Variants in CSMD1 observed in about 807,000 individuals in gnomAD.
The protein encoded by CSMD1 is CUB and sushi domain-containing protein 1.
CSMD1 carries 213 observed loss-of-function variants against 417.5 expected under a neutral mutation model. The observed-to-expected ratio is 0.51, with a 90% CI of 0.46 to 0.57. The LOEUF is 0.57. Among genes scored for constraint, CSMD1 ranks in the 20% least tolerant of loss-of-function variants. The pLI, the probability that CSMD1 is intolerant of heterozygous loss-of-function variation, is 0.00. For missense variants in CSMD1, 6,923 were observed against 4,529.7 expected, an observed-to-expected ratio of 1.53 and a Z score of -15.17; for synonymous variants, 2,862 against 1,736.8, an observed-to-expected ratio of 1.65 and a Z score of -16.11.
intron 3 of CSMD1, among the ~76,000 whole-genome samples, chr8:4,103,086 C>T (rs968737681): frequency 1.3e-5 from 2 of 152,100 alleles, no homozygotes; most frequent in Non-Finnish European, 2.9e-5. Flanking sequence ...TTTTGAGCTC[C>T]AGACAGTTCT....
chr8:4,657,453 C>A (rs914258848), intron 1 of CSMD1, among the ~76,000 whole-genome samples: 1 of 152,086 alleles, frequency 6.6e-6, no homozygotes, highest in Non-Finnish European at 1.5e-5. Flanking sequence ...GCACTCTTGG[C>A]ATTCATGGAA....
chr8:3,539,045 A>C (rs969455550), intron 10 of CSMD1, among the ~76,000 whole-genome samples: 1 of 152,212 alleles, frequency 6.6e-6, no homozygotes, highest in African/African-American at 2.4e-5. Flanking sequence ...AAACACCCAG[A>C]GATGGCCTCT....
chr8:3,756,391 A>C (rs1044806138), intron 5 of CSMD1, among the ~76,000 whole-genome samples: 1 of 152,136 alleles, frequency 6.6e-6, no homozygotes, highest in Non-Finnish European at 1.5e-5. Context: ...TGTATATTAA[A>C]AATCAATAAT....
rs771732847 is a variant in CSMD1 at position 3,406,179 on chromosome 8, T to C, written c.2114A>G (p.Asn705Ser). 3 of 1,612,144 alleles carry C rather than the reference T, an allele frequency of 1.9e-6. No individual in the cohort carries two copies. The highest frequency in any genetic ancestry group is 2.5e-6 in the Non-Finnish European group (3 of 1,179,038). Reference protein sequence around the residue: ...NECHDPGIPINGRRFGDRFLL... With the variant: ...NECHDPGIPISGRRFGDRFLL... ...AAACCTGTCACCAAAACGTCGTCCG[T>C]TTATAGGAATGCCAGGATCATGGCA... The change falls in exon 15 of 70, where the codon AAC (asparagine) becomes AGC (serine). Residue 705 changes from asparagine (N) to serine (S), a missense_variant. Transcript: ENST00000635120.
At chr8:4,745,472 C>G (rs575358309) in intron 1 of CSMD1, among the ~76,000 whole-genome samples, 1 of 152,302 alleles carries the variant, frequency 6.6e-6, no homozygotes, top group Non-Finnish European at 1.5e-5. Flanking sequence ...CTATTTAACA[C>G]TGTGGTATCA....
chr8:4,068,309 C>T (rs557610738), intron 3 of CSMD1, among the ~76,000 whole-genome samples: 4 of 152,088 alleles, frequency 2.6e-5, no homozygotes, highest in South Asian at 2.1e-4. Flanking sequence ...CAGTGTATTG[C>T]GGGAGAGCTG....
chr8:2,938,509 G>C lies in CSMD1; in HGVS notation c.*76C>G. ...TAAAGCCAGAGTGGAAGGGAGAGTG[G>C]TATATGGCACCAAAGGAATCACTGC... On this transcript the variant is annotated 3_prime_UTR_variant, in exon 70 of 70. Coordinates refer to ENST00000635120, the MANE Select transcript of CSMD1 (RefSeq NM_033225.6). 1 of 1,397,040 alleles carries C rather than the reference G, an allele frequency of 7.2e-7. No homozygotes were observed. The allele number at this position is 1,397,040 out of a possible 1,614,324, so 86.5% of individuals were successfully genotyped here. A position where few individuals can be genotyped will look rare whatever the true frequency, so the allele number is the denominator to read the frequency against.
chr8:4,644,210 G>A (rs866466783), intron 1 of CSMD1, among the ~76,000 whole-genome samples: 1 of 152,150 alleles, frequency 6.6e-6, no homozygotes, highest in African/African-American at 2.4e-5. Context: ...ACTGGTCAGT[G>A]TCACTTCTTT....
intron 3 of CSMD1, among the ~76,000 whole-genome samples, chr8:4,190,253 C>CCA (rs1798938257): frequency 1.5e-5 from 1 of 67,058 alleles, no homozygotes; most frequent in African/African-American, 5.2e-5. Context: ...ACTCCGTCTC[C>CCA]AAAAAAAAAA....
At chr8:3,869,372 T>C (rs958561144) in intron 5 of CSMD1, among the ~76,000 whole-genome samples, 3 of 152,186 alleles carry the variant, frequency 2.0e-5, no homozygotes, top group Admixed American at 6.5e-5. Context: ...ATATAATACA[T>C]AGAGACTGAT....
intron 2 of CSMD1, among the ~76,000 whole-genome samples, chr8:4,516,286 C>A (rs1803118327): frequency 6.6e-6 from 1 of 152,084 alleles, no homozygotes; most frequent in African/African-American, 2.4e-5. Context: ...AGAAACCAAC[C>A]CCACTGACAC....
chr8:3,905,954 C>T lies in CSMD1; in HGVS notation c.818+91949G>A, dbSNP rs557640535. 2.1e-4 allele frequency among the ~76,000 whole-genome samples: 32 copies of T among 152,286 alleles called. No homozygotes were observed. The South Asian group carries it at 6.2e-3, about 30-fold the overall frequency. Reference sequence around the variant, plus strand: ...ATGTTTTTGGTGCCCCTCAACCATACCTTTTGATTTTATCAAACCTGTTCT... The same window carrying T: ...ATGTTTTTGGTGCCCCTCAACCATATCTTTTGATTTTATCAAACCTGTTCT... On this transcript the variant is annotated intron_variant, in intron 5 of 69. Coordinates refer to ENST00000635120, the MANE Select transcript of CSMD1 (RefSeq NM_033225.6).
chr8:4,820,866 C>T (rs1040784996), intron 1 of CSMD1, among the ~76,000 whole-genome samples: 2 of 152,246 alleles, frequency 1.3e-5, no homozygotes, highest in East Asian at 3.9e-4. Context: ...ATTGTTGTTA[C>T]TACTTTTATA....
chr8:4,112,139 C>T (rs1192472525), intron 3 of CSMD1, among the ~76,000 whole-genome samples: 1 of 152,172 alleles, frequency 6.6e-6, no homozygotes, highest in Non-Finnish European at 1.5e-5. Flanking sequence ...CTTCAAAGTG[C>T]TGGGCATCCA....
At chr8:2,964,212 T>C (rs1213839985) in intron 59 of CSMD1, among the ~76,000 whole-genome samples, 1 of 152,246 alleles carries the variant, frequency 6.6e-6, no homozygotes, top group Non-Finnish European at 1.5e-5. Flanking sequence ...GCATTTTGTG[T>C]GTTCAGGCTC....
Position 4,389,861 on chromosome 8 carries a change from A to G in CSMD1, c.415+30092T>C, listed in dbSNP as rs76351751. On this transcript the variant is annotated intron_variant, in intron 3 of 69. Coordinates refer to ENST00000635120, the MANE Select transcript of CSMD1 (RefSeq NM_033225.6). ...TCTACATGAATATTACAAACTTTAT[A>G]TATCTCCCGCCCTACTAACAAACAT... 8.3e-3 allele frequency among the ~76,000 whole-genome samples: 1,260 copies of G among 152,280 alleles called. 13 individuals carry two copies. The highest frequency in any genetic ancestry group is 0.026 in the African/African-American group (1,090 of 41,556).
intron 1 of CSMD1, among the ~76,000 whole-genome samples, chr8:4,876,230 T>C (rs1036890787): frequency 2.0e-5 from 3 of 152,214 alleles, no homozygotes; most frequent in East Asian, 1.9e-4. Context: ...AGTCTTTCAG[T>C]AATCTGCTAC....
intron 23 of CSMD1, among the ~76,000 whole-genome samples, chr8:3,341,896 A>C (rs1024273491): frequency 6.6e-6 from 1 of 152,180 alleles, no homozygotes; most frequent in African/African-American, 2.4e-5. Flanking sequence ...AATACATTGA[A>C]CATCTCGACA....
rs1803994961 is a variant in CSMD1, at chr8:2,966,740, G to C, written c.8930C>G (p.Ser2977Cys). ...SGLQPVCEAV[S>C]CGNPGTPTNG... is the part of the protein sequence containing the mutation. ...GGTGGGTGTGCCAGGGTTGCCACAG[G>C]ACACGGCTGTTAGGCAAACAAGAAC... The change falls in exon 58 of 70, where the codon TCC becomes TGC. Residue 2977 changes from serine to cysteine, a missense_variant. Transcript: ENST00000635120. 1 of 1,613,004 alleles carries C rather than the reference G, an allele frequency of 6.2e-7. No homozygotes were observed. The highest frequency in any genetic ancestry group is 8.5e-7 in the Non-Finnish European group (1 of 1,179,578).
Sources: allele counts gnomAD v4.1 joint callset (sites outside exome capture counted in the v4.1 genomes callset), GRCh38; gene constraint gnomAD v4.1.1; transcripts MANE v1.5; gene names NCBI Gene and HGNC (gene_info 2026-07-23, HGNC 2026-07-21).